FANCC: variants seen among roughly 807,000 people sequenced by gnomAD.
The protein encoded by FANCC is Fanconi anemia group C protein.
Under a neutral mutation model 71.3 loss-of-function variants are expected in FANCC, and 55 were observed. The ratio of observed to expected loss-of-function variants is 0.77; its 90% CI spans 0.62 to 0.97. FANCC has a LOEUF of 0.97. Among genes scored for constraint, FANCC ranks in the 50% least tolerant of loss-of-function variants. The probability of loss-of-function intolerance (pLI) is 0.00; values close to 1 mark genes in which losing one functional copy is unlikely to be tolerated. For synonymous variants in FANCC, 275 were observed against 244.9 expected (o/e 1.12, Z -1.15); for missense variants, 678 against 670.9 (o/e 1.01, Z -0.12).
In FANCC at chr9:95,268,600, T is replaced by C. The variant is rs1236596442; in HGVS notation, c.-78-19231A>G. On this transcript the variant is annotated intron_variant, in intron 1 of 14. Coordinates refer to ENST00000289081, the MANE Select transcript of FANCC (RefSeq NM_000136.3). ...GAGTTATGTGGAAAGGAACTTTGAT[T>C]TGAGGAATCACAGATGAATAACAAT... Among the ~76,000 whole-genome samples, 59 of 152,246 alleles carry C rather than the reference T, an allele frequency of 3.9e-4. 1 individual carries two copies. The highest frequency in any genetic ancestry group is 6.5e-5 in the Admixed American group (1 of 15,282).
At chr9:95,105,070 G>A (rs1246095623) in intron 14 of FANCC, among the ~76,000 whole-genome samples, 2 of 152,190 alleles carry the variant, frequency 1.3e-5, no homozygotes, top group African/African-American at 2.4e-5. Context: ...TGCTGGGGCC[G>A]GGCCCAAAGA....
At chr9:95,168,639 T>A (rs112330661) in intron 6 of FANCC, among the ~76,000 whole-genome samples, 1,721 of 152,318 alleles carry the variant, frequency 0.011, 31 homozygotes, top group African/African-American at 0.039. Flanking sequence ...CATGTGATTC[T>A]CCTGCCTCAG....
At chr9:95,120,256 T>C (rs1225754521) in intron 10 of FANCC, among the ~76,000 whole-genome samples, 1 of 152,210 alleles carries the variant, frequency 6.6e-6, no homozygotes, top group Non-Finnish European at 1.5e-5. Context: ...CCAGCATCAT[T>C]TGTTGAAAAC....
chr9:95,137,102 G>T (rs1290741310), intron 7 of FANCC, among the ~76,000 whole-genome samples: 2 of 152,146 alleles, frequency 1.3e-5, no homozygotes, highest in Non-Finnish European at 2.9e-5. Context: ...CTAAAGTGGG[G>T]GCGTAAGCCT....
intron 6 of FANCC, among the ~76,000 whole-genome samples, chr9:95,163,605 T>A (rs954859092): frequency 6.6e-6 from 1 of 152,200 alleles, no homozygotes; most frequent in African/African-American, 2.4e-5. Flanking sequence ...ATCCCAGAAC[T>A]TTGGGAGGCC....
At chr9:95,140,528 A>C (rs1034246901) in intron 7 of FANCC, among the ~76,000 whole-genome samples, 2 of 152,208 alleles carry the variant, frequency 1.3e-5, no homozygotes, top group African/African-American at 4.8e-5. Flanking sequence ...ATTCTTCACA[A>C]GAAAGGTTCT....
At chr9:95,252,081 C>T (rs1172948461) in intron 1 of FANCC, among the ~76,000 whole-genome samples, 1 of 151,734 alleles carries the variant, frequency 6.6e-6, no homozygotes, top group East Asian at 1.9e-4. Context: ...AGTTTGAGAC[C>T]AGCCTGGCCA....
intron 1 of FANCC, chr9:95,317,264 TTCCCCGCCCTG>T (rs1202073083): frequency 6.6e-6 from 1 of 151,848 alleles, no homozygotes; most frequent in East Asian, 2.0e-4. Context: ...CGCCCCCGCT[TTCCCCGCCCTG>T]GCCCCGCCCC....
At chr9:95,259,915 T>G (rs1831915632) in intron 1 of FANCC, among the ~76,000 whole-genome samples, 3 of 152,240 alleles carry the variant, frequency 2.0e-5, no homozygotes, top group Admixed American at 2.0e-4. Context: ...AAGACATTTA[T>G]GCAGCCAACA....
chr9:95,206,780 T>C (rs568749625), intron 4 of FANCC, among the ~76,000 whole-genome samples: 1 of 152,336 alleles, frequency 6.6e-6, no homozygotes, highest in South Asian at 2.1e-4. Context: ...AACATAGCAG[T>C]TGTAAAAATC....
intron 1 of FANCC, among the ~76,000 whole-genome samples, chr9:95,295,551 C>A (rs1374998040): frequency 6.6e-6 from 1 of 152,076 alleles, no homozygotes; most frequent in Non-Finnish European, 1.5e-5. Context: ...AAGAGAGGAT[C>A]ATCTGAGGCC....
chr9:95,162,948 A>G (rs932458215), intron 6 of FANCC, among the ~76,000 whole-genome samples: 3 of 152,148 alleles, frequency 2.0e-5, no homozygotes, highest in Non-Finnish European at 2.9e-5. Context: ...TTGCACAGAC[A>G]CTTAAAAATT....
intron 4 of FANCC, among the ~76,000 whole-genome samples, chr9:95,224,540 T>C (rs1463315705): frequency 6.6e-6 from 1 of 152,102 alleles, no homozygotes; most frequent in East Asian, 1.9e-4. Flanking sequence ...ATCTTAATCA[T>C]TCACACTGTT....
chr9:95,174,790 G>A (rs565286341), intron 4 of FANCC, among the ~76,000 whole-genome samples: 1 of 152,160 alleles, frequency 6.6e-6, no homozygotes, highest in East Asian at 1.9e-4. Flanking sequence ...ATCCAGGGTG[G>A]AGGCTAAGGG....
intron 6 of FANCC, among the ~76,000 whole-genome samples, chr9:95,168,174 T>C (rs1825428810): frequency 6.6e-6 from 1 of 152,196 alleles, no homozygotes; most frequent in East Asian, 1.9e-4. Flanking sequence ...TGAGCTCTCT[T>C]GTTCCAAACT....
intron 1 of FANCC, among the ~76,000 whole-genome samples, chr9:95,254,951 A>G (rs1831569296): frequency 6.6e-6 from 1 of 152,100 alleles, no homozygotes; most frequent in African/African-American, 2.4e-5. Flanking sequence ...CAGCGTAAAC[A>G]AAGCCGCAGG....
At chr9:95,294,233 C>T in intron 1 of FANCC, 1 of 1,586,504 alleles carries the variant, frequency 6.3e-7, no homozygotes, top group Non-Finnish European at 8.7e-7. Context: ...GCCCAGAACC[C>T]TGGAATCAAT....
At chr9:95,284,636 A>G (rs1170622568) in intron 1 of FANCC, among the ~76,000 whole-genome samples, 1 of 152,202 alleles carries the variant, frequency 6.6e-6, no homozygotes, top group African/African-American at 2.4e-5. Flanking sequence ...ATCCAAACAT[A>G]TCACTAGCAT....
chr9:95,238,315 G>A (rs1830436981), intron 4 of FANCC, among the ~76,000 whole-genome samples: 1 of 152,130 alleles, frequency 6.6e-6, no homozygotes, highest in Non-Finnish European at 1.5e-5. Flanking sequence ...CCTGCTCTCT[G>A]TACATTTCCA....
Sources: gnomAD v4.1 joint callset for allele counts (sites outside exome capture counted in the v4.1 genomes callset) on GRCh38, gnomAD v4.1.1 for gene constraint, MANE v1.5 for transcripts, NCBI Gene and HGNC (gene_info 2026-07-23, HGNC 2026-07-21) for gene names.